The following METTL24 variants were observed in gnomAD, a reference collection of about 807,000 sequenced individuals.
The protein encoded by METTL24 is probable methyltransferase-like protein 24.
METTL24 carries 29 observed loss-of-function variants against 32.7 expected under a neutral mutation model. The observed-to-expected ratio is 0.89, with a 90% CI of 0.66 to 1.21. The LOEUF is 1.21. METTL24 is among the 50% of genes most tolerant of loss of function. METTL24 has a pLI of 0.00. For synonymous variants in METTL24, 163 were observed against 179.5 expected (o/e 0.91, Z 0.73); for missense variants, 439 against 468.1 (o/e 0.94, Z 0.57).
At chr6:110,272,945 C>T (rs907220464) in intron 4 of METTL24, among the ~76,000 whole-genome samples, 1 of 152,132 alleles carries the variant, frequency 6.6e-6, no homozygotes, top group African/African-American at 2.4e-5. Flanking sequence ...ATTTCTTTTG[C>T]TGTGCAGAAG....
At chr6:110,352,611 C>CAGA (rs1458996799) in intron 1 of METTL24, among the ~76,000 whole-genome samples, 1 of 142,598 alleles carries the variant, frequency 7.0e-6, no homozygotes, top group Non-Finnish European at 1.5e-5. Context: ...TTTTTTTTAT[C>CAGA]AGAACATAAG....
At chr6:110,262,805 C>G (rs1176223809) in intron 4 of METTL24, among the ~76,000 whole-genome samples, 1 of 152,190 alleles carries the variant, frequency 6.6e-6, no homozygotes, top group African/African-American at 2.4e-5. Context: ...GGATGCAAGG[C>G]TGGTTCAACA....
At chr6:110,292,978 C>G (rs919609352) in intron 4 of METTL24, among the ~76,000 whole-genome samples, 4 of 151,702 alleles carry the variant, frequency 2.6e-5, no homozygotes, top group African/African-American at 7.3e-5. Flanking sequence ...TGCAATAGTA[C>G]CATTTTTATT....
intron 3 of METTL24, among the ~76,000 whole-genome samples, chr6:110,303,746 G>C (rs971677823): frequency 6.6e-6 from 1 of 152,232 alleles, no homozygotes; most frequent in African/African-American, 2.4e-5. Context: ...AGCTTCAGCA[G>C]ACTTAAACAT....
chr6:110,279,764 C>G (rs928450564), intron 4 of METTL24, among the ~76,000 whole-genome samples: 4 of 152,110 alleles, frequency 2.6e-5, no homozygotes, highest in African/African-American at 9.7e-5. Flanking sequence ...TGCCTTGACC[C>G]AAAGACACCC....
chr6:110,251,530 T>C (rs1452832934), intron 4 of METTL24, among the ~76,000 whole-genome samples: 1 of 152,196 alleles, frequency 6.6e-6, no homozygotes, highest in African/African-American at 2.4e-5. Context: ...ATTGTATTAG[T>C]CTGCTAGGTC....
At chr6:110,296,051 G>A (rs752225619) in intron 4 of METTL24, among the ~76,000 whole-genome samples, 6 of 151,940 alleles carry the variant, frequency 3.9e-5, no homozygotes, top group Admixed American at 6.6e-5. Context: ...TAAATGACTC[G>A]CCCAACGCCA....
intron 1 of METTL24, among the ~76,000 whole-genome samples, chr6:110,350,126 G>A (rs1772564432): frequency 6.6e-6 from 1 of 152,188 alleles, no homozygotes; most frequent in East Asian, 1.9e-4. Context: ...AAGACAAGTG[G>A]CAATTATTTT....
chr6:110,303,805 T>G (rs1040219941), intron 3 of METTL24, among the ~76,000 whole-genome samples: 4 of 152,186 alleles, frequency 2.6e-5, no homozygotes, highest in African/African-American at 9.7e-5. Flanking sequence ...AGTACAACAC[T>G]CGAGCTCTGC....
intron 4 of METTL24, among the ~76,000 whole-genome samples, chr6:110,251,859 T>C (rs911540695): frequency 5.3e-5 from 8 of 152,070 alleles, no homozygotes; most frequent in African/African-American, 9.7e-5. Context: ...TACTGCTTCA[T>C]TGGGCCAGGT....
chr6:110,290,063 G>T (rs1488926107), intron 4 of METTL24, among the ~76,000 whole-genome samples: 1 of 152,006 alleles, frequency 6.6e-6, no homozygotes, highest in African/African-American at 2.4e-5. Flanking sequence ...CTAAAGGTGT[G>T]TGTCACCACA....
chr6:110,264,905 A>G (rs1184851603), intron 4 of METTL24, among the ~76,000 whole-genome samples: 2 of 151,432 alleles, frequency 1.3e-5, no homozygotes, highest in Non-Finnish European at 2.9e-5. Flanking sequence ...TCTCACTCAT[A>G]GGTGGGAATT....
chr6:110,250,635 C>T (rs941864433), intron 4 of METTL24, among the ~76,000 whole-genome samples: 9 of 148,866 alleles, frequency 6.0e-5, no homozygotes, highest in Non-Finnish European at 9.1e-5. Flanking sequence ...TTAGGAAAAG[C>T]GCCCTACTCC....
At chr6:110,272,634 T>C (rs78738008) in intron 4 of METTL24, among the ~76,000 whole-genome samples, 1 of 152,282 alleles carries the variant, frequency 6.6e-6, no homozygotes, top group South Asian at 2.1e-4. Flanking sequence ...ACATCTATTA[T>C]TTTTCAATTT....
intron 4 of METTL24, among the ~76,000 whole-genome samples, chr6:110,287,020 T>C (rs1208523075): frequency 2.0e-5 from 3 of 152,206 alleles, no homozygotes; most frequent in Admixed American, 1.3e-4. Context: ...TATATGTATC[T>C]ATTCCATTGG....
chr6:110,351,425 G>A (rs1698254629), intron 1 of METTL24, among the ~76,000 whole-genome samples: 1 of 152,102 alleles, frequency 6.6e-6, no homozygotes, highest in Non-Finnish European at 1.5e-5. Context: ...AAGAAAGATA[G>A]AGCTAGCTAG....
At chr6:110,306,245 T>C (rs1771626242) in intron 3 of METTL24, among the ~76,000 whole-genome samples, 1 of 152,058 alleles carries the variant, frequency 6.6e-6, no homozygotes, top group Non-Finnish European at 1.5e-5. Context: ...CCATGGCACA[T>C]GTATACCTGT....
At chr6:110,253,820 A>G in intron 4 of METTL24, 1 of 1,235,610 alleles carries the variant, frequency 8.1e-7, no homozygotes. Context: ...CTGCTTTTTA[A>G]CATAACAGAC....
intron 1 of METTL24, among the ~76,000 whole-genome samples, chr6:110,335,552 T>C (rs1194517414): frequency 6.7e-6 from 1 of 149,398 alleles, no homozygotes; most frequent in Non-Finnish European, 1.5e-5. Context: ...GCTTTGTACT[T>C]GTAGGGAATC....
Sources: allele counts gnomAD v4.1 joint callset (sites outside exome capture counted in the v4.1 genomes callset), GRCh38; gene constraint gnomAD v4.1.1; transcripts MANE v1.5; gene names NCBI Gene and HGNC (gene_info 2026-07-23, HGNC 2026-07-21).